Variants in CCDC85C observed in about 807,000 individuals in gnomAD.
The protein encoded by CCDC85C is coiled-coil domain containing 85C.
CCDC85C carries 18 observed loss-of-function variants against 38.3 expected under a neutral mutation model. That is an observed-to-expected ratio of 0.47 (90% CI 0.33 to 0.70). The LOEUF (loss-of-function observed/expected upper bound fraction) is 0.70, where lower values mean the gene tolerates loss of function less well. Among genes scored for constraint, CCDC85C ranks in the 30% least tolerant of loss-of-function variants. The pLI, the probability that CCDC85C is intolerant of heterozygous loss-of-function variation, is 0.03. For missense variants in CCDC85C, 566 were observed against 621.2 expected, an observed-to-expected ratio of 0.91 and a Z score of 0.94; for synonymous variants, 264 against 293.8, an observed-to-expected ratio of 0.90 and a Z score of 1.04.
At position 99,505,619 on chromosome 14, in the gene CCDC85C, T is replaced by C. The variant is rs900228338; in HGVS notation, c.*9627A>G. The C allele has an allele frequency of 3.3e-5, 5 of 152,222 alleles. No homozygotes were observed. Among genetic ancestry groups the C allele is most frequent in the African/African-American group, 4.8e-5 (2 of 41,442 alleles). The allele number at this position is 152,222 out of a possible 1,614,324, so 9.4% of individuals were successfully genotyped here. A position where few individuals can be genotyped will look rare whatever the true frequency, so the allele number is the denominator to read the frequency against. On this transcript the variant is annotated 3_prime_UTR_variant, in exon 6 of 6. Transcript: ENST00000380243. The stretch of plus-strand genomic sequence containing the variant: ...TGGCACACTTGTAATCCCAGCACTT[T>C]GGGAGGCCAAGGCATGCTTTGAGCC...
At chr14:99,586,669 G>A (rs1461438693) in intron 1 of CCDC85C, among the ~76,000 whole-genome samples, 3 of 152,184 alleles carry the variant, frequency 2.0e-5, no homozygotes, top group Non-Finnish European at 2.9e-5. Flanking sequence ...CTTTAATGAG[G>A]CATTATTTCC....
Position 99,572,253 on chromosome 14 carries a change from G to A in CCDC85C, c.793+30914C>T, listed in dbSNP as rs530270820. On this transcript the variant is annotated intron_variant, in intron 1 of 5. Transcript: ENST00000380243. This position sits in a 1 kb window ranked among gnomAD's most constrained non-coding sequence, Gnocchi z 4.4. The stretch of plus-strand genomic sequence containing the variant: ...GAATGGCCAGGCTGTGGCCCTCCCC[G>A]AGAGTCCCTCCCTCCCCAGGGATGG... Among the ~76,000 whole-genome samples, 22 of 152,210 alleles carry A rather than the reference G, an allele frequency of 1.4e-4. No individual in the cohort carries two copies. In the East Asian group the frequency reaches 2.7e-3, roughly 19 times the overall value.
chr14:99,500,626 A>C lies in CCDC85C; in HGVS notation c.*14620T>G. ...TGTCTCTGAGCATGTTAAAAGTCTG[A>C]GTGGGAGAGAAAGGAAGGAAAGGCA... On this transcript the variant is annotated 3_prime_UTR_variant, in exon 6 of 6. Transcript: ENST00000380243. The C allele has an allele frequency of 1.5e-6, 1 of 654,720 alleles. No homozygotes were observed. Among genetic ancestry groups the C allele is most frequent in the Admixed American group, 2.6e-5 (1 of 38,582 alleles). The allele number at this position is 654,720 out of a possible 1,614,324, so 40.6% of individuals were successfully genotyped here.
chr14:99,596,180 T>C (rs1410188396), intron 1 of CCDC85C, among the ~76,000 whole-genome samples: 1 of 152,172 alleles, frequency 6.6e-6, no homozygotes, highest in East Asian at 1.9e-4. Context: ...CACTCTCAGA[T>C]ACCATCAGCC....
At chr14:99,541,841 G>A (rs990066859) in intron 1 of CCDC85C, among the ~76,000 whole-genome samples, 4 of 152,302 alleles carry the variant, frequency 2.6e-5, no homozygotes, top group South Asian at 2.1e-4. Context: ...GGCTGGGGGC[G>A]AGGGAGCTGC....
intron 1 of CCDC85C, among the ~76,000 whole-genome samples, chr14:99,567,824 T>TCAAAA (rs1372983164): frequency 2.0e-5 from 3 of 152,078 alleles, no homozygotes; most frequent in Non-Finnish European, 4.4e-5. Flanking sequence ...AAACTCTGTC[T>TCAAAA]CAAAACAAAA....
chr14:99,561,768 T>C (rs969614816), intron 1 of CCDC85C, among the ~76,000 whole-genome samples: 1 of 151,990 alleles, frequency 6.6e-6, no homozygotes, highest in South Asian at 2.1e-4. Flanking sequence ...GCTGGGTAAA[T>C]GTGGGAAGGG....
At chr14:99,589,573 G>A (rs1359702068) in intron 1 of CCDC85C, among the ~76,000 whole-genome samples, 1 of 152,232 alleles carries the variant, frequency 6.6e-6, no homozygotes, top group Non-Finnish European at 1.5e-5. Flanking sequence ...TTTGGGCTCT[G>A]ATTAGAGCTG....
chr14:99,601,302 A>G (rs924006596), intron 1 of CCDC85C, among the ~76,000 whole-genome samples: 4 of 152,166 alleles, frequency 2.6e-5, no homozygotes, highest in Non-Finnish European at 5.9e-5. Context: ...GGGAAACCCT[A>G]TACTTCAACC....
chr14:99,599,836 T>C (rs2055181047), intron 1 of CCDC85C, among the ~76,000 whole-genome samples: 1 of 152,186 alleles, frequency 6.6e-6, no homozygotes, highest in Non-Finnish European at 1.5e-5. Flanking sequence ...GATGGTGCCA[T>C]TGCACTCTAG....
chr14:99,559,314 GA>G (rs1487685192), intron 1 of CCDC85C, among the ~76,000 whole-genome samples: 1 of 151,970 alleles, frequency 6.6e-6, no homozygotes, highest in Non-Finnish European at 1.5e-5. Flanking sequence ...GTTGTTTTAA[GA>G]CCCCTAGGGT....
At chr14:99,599,509 G>C (rs2055177366) in intron 1 of CCDC85C, among the ~76,000 whole-genome samples, 1 of 152,122 alleles carries the variant, frequency 6.6e-6, no homozygotes, top group Non-Finnish European at 1.5e-5. Flanking sequence ...TCTGGTGTTG[G>C]GGTTTACCTG....
chr14:99,517,277 G>A, intron 3 of CCDC85C, 94 bp from the exon 4 acceptor site: 2 of 980,752 alleles, frequency 2.0e-6, no homozygotes, highest in African/African-American at 1.6e-5. Flanking sequence ...GAGGGGCCAG[G>A]GCCCAGGCAG....
rs1421419753 is a variant in CCDC85C, at chr14:99,511,859, A to AGAC, written c.*3384_*3386dup. 6.6e-6 allele frequency: 1 copy of AGAC among 152,504 alleles called. No homozygotes were observed. Among genetic ancestry groups the AGAC allele is most frequent in the Admixed American group, 6.5e-5 (1 of 15,290 alleles). 9.4% of individuals were successfully genotyped at this position (152,504 alleles called of 1,614,324 possible). A position where few individuals can be genotyped will look rare whatever the true frequency, so the allele number is the denominator to read the frequency against. ...CCCTTTCCACTTCTGGCCTGTGATG[A>AGAC]GACAGAGGCAGCTGGAGGAGCAGCG... On this transcript the variant is annotated 3_prime_UTR_variant, in exon 6 of 6. Transcript: ENST00000380243.
chr14:99,515,575 G>A (rs935471397), intron 5 of CCDC85C, among the ~76,000 whole-genome samples: 3 of 152,178 alleles, frequency 2.0e-5, no homozygotes, highest in African/African-American at 7.2e-5. Flanking sequence ...TGTCCAGTGG[G>A]GTCCACAGGC....
chr14:99,504,043 C>A lies in CCDC85C; in HGVS notation c.*11203G>T. The A allele has an allele frequency of 5.3e-6, 2 of 374,878 alleles. No individual in the cohort carries two copies. The highest frequency in any genetic ancestry group is 2.0e-5 in the South Asian group (1 of 50,736). 23.2% of individuals were successfully genotyped at this position (374,878 alleles called of 1,614,324 possible). A position where few individuals can be genotyped will look rare whatever the true frequency, so the allele number is the denominator to read the frequency against. On this transcript the variant is annotated 3_prime_UTR_variant, in exon 6 of 6. Coordinates refer to ENST00000380243, the MANE Select transcript of CCDC85C (RefSeq NM_001144995.2). ...AGGGGGTGGTGTGCTGCCCGGACAG[C>A]ACCAGCCCGGCCCAGCCCAGCTGCC...
chr14:99,527,401 C>T (rs769348100), intron 2 of CCDC85C, among the ~76,000 whole-genome samples: 3 of 152,138 alleles, frequency 2.0e-5, no homozygotes, highest in Non-Finnish European at 2.9e-5. Context: ...GGAAGACCCC[C>T]GGAGGGTAAT....
Position 99,603,851 on chromosome 14 carries a change from G to A in CCDC85C, c.109C>T (p.Arg37Cys), listed in dbSNP as rs751869426. ...AGGCCCACCTTCTCGCCCTCGGCGCGCCGCAGCCGCCGCGCCAGCTCCTCC... is the reference window on the plus strand; with the variant it reads ...AGGCCCACCTTCTCGCCCTCGGCGCACCGCAGCCGCCGCGCCAGCTCCTCC... ...SKEELARRLR[R>C]AEGEKVGLML... is the part of the protein sequence containing the mutation. Residue 37 changes from arginine (R) to cysteine (C), a missense_variant, in exon 1 of 6, where the codon CGC becomes TGC. Physicochemically the swap from Arg to Cys is radical, Grantham distance 180. Around this residue, in one of 3 missense-constraint regions of CCDC85C, gnomAD observed 269 missense variants for 308.2 expected, o/e 0.87. Transcript: ENST00000380243. This position sits in a 1 kb window ranked among gnomAD's most constrained non-coding sequence, Gnocchi z 7.5. 2.0e-5 allele frequency: 30 copies of A among 1,516,514 alleles called. No homozygotes were observed. The South Asian group carries it at 3.6e-4, about 18-fold the overall frequency. 93.9% of individuals were successfully genotyped at this position (1,516,514 alleles called of 1,614,324 possible). A position where few individuals can be genotyped will look rare whatever the true frequency, so the allele number is the denominator to read the frequency against.
intron 1 of CCDC85C, among the ~76,000 whole-genome samples, chr14:99,562,537 C>G (rs2144804): frequency 0.57 from 86,040 of 152,096 alleles, 25,068 homozygotes; most frequent in African/African-American, 0.71. Flanking sequence ...GGCCAGAGCT[C>G]GGGTTTGAAC....
Sources: allele counts gnomAD v4.1 joint callset (sites outside exome capture counted in the v4.1 genomes callset), GRCh38; gene constraint gnomAD v4.1.1; regional missense constraint gnomAD v4.1.1; non-coding constraint Gnocchi (gnomAD v3.1); transcripts MANE v1.5; gene names NCBI Gene and HGNC (gene_info 2026-07-23, HGNC 2026-07-21).